Variants in PCDH15 observed in about 807,000 individuals in gnomAD.
PCDH15 encodes protocadherin related 15, also known as protocadherin-15.
A neutral mutation model predicts 178.5 loss-of-function variants in PCDH15; 129 were observed. The ratio of observed to expected loss-of-function variants is 0.72; its 90% CI spans 0.63 to 0.84. PCDH15 has a LOEUF of 0.84. Among genes scored for constraint, PCDH15 ranks in the 40% least tolerant of loss-of-function variants. The pLI is 0.00. For missense variants in PCDH15, 2,230 were observed against 2,099.9 expected, an observed-to-expected ratio of 1.06 and a Z score of -1.21; for synonymous variants, 800 against 732.0, an observed-to-expected ratio of 1.09 and a Z score of -1.50.
intron 3 of PCDH15, among the ~76,000 whole-genome samples, chr10:54,810,223 G>A (rs1952841517): frequency 1.3e-5 from 2 of 152,120 alleles, no homozygotes; most frequent in Non-Finnish European, 2.9e-5. Flanking sequence ...TGTGTGCAAT[G>A]TTCAGGCATA....
chr10:54,575,502 T>C (rs2090375007), intron 2 of PCDH15, among the ~76,000 whole-genome samples: 1 of 152,138 alleles, frequency 6.6e-6, no homozygotes, highest in Non-Finnish European at 1.5e-5. Context: ...ATTGTACTCA[T>C]GATGTTGGTA....
At chr10:55,113,433 A>T (rs1837557643) in intron 2 of PCDH15, among the ~76,000 whole-genome samples, 1 of 152,162 alleles carries the variant, frequency 6.6e-6, no homozygotes, top group South Asian at 2.1e-4. Flanking sequence ...AAAAGGAAGA[A>T]TTATATTCTC....
At chr10:54,575,499 T>A (rs1053114851) in intron 2 of PCDH15, among the ~76,000 whole-genome samples, 1 of 152,158 alleles carries the variant, frequency 6.6e-6, no homozygotes, top group Admixed American at 6.6e-5. Context: ...TGTATTGTAC[T>A]CATGATGTTG....
chr10:55,539,701 C>T (rs1841713116), intron 2 of PCDH15, among the ~76,000 whole-genome samples: 1 of 152,102 alleles, frequency 6.6e-6, no homozygotes, highest in East Asian at 1.9e-4. Context: ...TAAAGTTAAG[C>T]TATTTAGAGT....
intron 2 of PCDH15, among the ~76,000 whole-genome samples, chr10:54,932,300 A>G (rs1443694731): frequency 1.3e-5 from 2 of 152,056 alleles, no homozygotes; most frequent in African/African-American, 4.8e-5. Flanking sequence ...GATTATTCTG[A>G]CCCTGTGTAT....
At chr10:55,092,059 A>G (rs1476468144) in intron 2 of PCDH15, among the ~76,000 whole-genome samples, 2 of 151,898 alleles carry the variant, frequency 1.3e-5, no homozygotes, top group African/African-American at 4.8e-5. Context: ...ATGGCTCATA[A>G]GAGTATAAAG....
intron 2 of PCDH15, among the ~76,000 whole-genome samples, chr10:55,389,035 T>C (rs1837729858): frequency 6.6e-6 from 1 of 152,138 alleles, no homozygotes; most frequent in African/African-American, 2.4e-5. Flanking sequence ...TTCTTTCTTA[T>C]AACTGGGTTC....
chr10:54,158,218 T>C (rs2045350850), intron 13 of PCDH15, among the ~76,000 whole-genome samples: 1 of 152,210 alleles, frequency 6.6e-6, no homozygotes, highest in African/African-American at 2.4e-5. Context: ...GATATAGACA[T>C]ACCCGAGACT....
intron 26 of PCDH15, among the ~76,000 whole-genome samples, chr10:53,867,101 T>A (rs1373561885): frequency 6.6e-6 from 1 of 152,136 alleles, no homozygotes; most frequent in Non-Finnish European, 1.5e-5. Flanking sequence ...GACATAGGTA[T>A]AATTCTGTAC....
intron 1 of PCDH15, among the ~76,000 whole-genome samples, chr10:55,231,574 T>C (rs1288460713): frequency 6.6e-6 from 1 of 152,016 alleles, no homozygotes; most frequent in Non-Finnish European, 1.5e-5. Context: ...TGAATGTTGA[T>C]TCCAGAAATT....
chr10:55,150,421 A>T (rs553133593), intron 2 of PCDH15, among the ~76,000 whole-genome samples: 1 of 152,244 alleles, frequency 6.6e-6, no homozygotes, highest in Middle Eastern at 3.4e-3. Context: ...AGTAATTGAA[A>T]ACTTGGTTAT....
chr10:55,131,157 T>G lies in PCDH15; in HGVS notation c.-80+35419A>C, dbSNP rs375662352. ...ACCATTACTGTGTCATACAGAATAGTTTCACTGCCCCACAAATCCTTGGTC... is the reference window on the plus strand; with the variant it reads ...ACCATTACTGTGTCATACAGAATAGGTTCACTGCCCCACAAATCCTTGGTC... On this transcript the variant is annotated intron_variant, in intron 2 of 5. Coordinates refer to the PCDH15 transcript ENST00000458638. Among the ~76,000 whole-genome samples the G allele has an allele frequency of 7.9e-5, 12 of 152,192 alleles. No homozygotes were observed. In the East Asian group the frequency reaches 1.3e-3, roughly 17 times the overall value.
intron 25 of PCDH15, among the ~76,000 whole-genome samples, chr10:53,930,266 G>T (rs1278444533): frequency 6.6e-6 from 1 of 151,758 alleles, no homozygotes; most frequent in Admixed American, 6.6e-5. Context: ...AGATCATCCT[G>T]GCTAACATGG....
chr10:55,497,959 T>G (rs1452521550), intron 2 of PCDH15, among the ~76,000 whole-genome samples: 1 of 151,882 alleles, frequency 6.6e-6, no homozygotes. Context: ...TGATTTAAAT[T>G]CTTTTACCTA....
At chr10:55,478,959 C>CT (rs1840117727) in intron 2 of PCDH15, among the ~76,000 whole-genome samples, 1 of 145,120 alleles carries the variant, frequency 6.9e-6, no homozygotes, top group Admixed American at 6.9e-5. Flanking sequence ...AAAACTTTAA[C>CT]AAACTAATAA....
chr10:53,910,135 C>T (rs926618002), intron 25 of PCDH15, among the ~76,000 whole-genome samples: 1 of 152,198 alleles, frequency 6.6e-6, no homozygotes, highest in Non-Finnish European at 1.5e-5. Context: ...CCTGGTCTGA[C>T]AGCTCTGAAG....
At chr10:55,423,595 G>C (rs989302120) in intron 2 of PCDH15, among the ~76,000 whole-genome samples, 1 of 151,960 alleles carries the variant, frequency 6.6e-6, no homozygotes, top group African/African-American at 2.4e-5. Context: ...TTTAGAGCAA[G>C]GAATACTAAC....
intron 2 of PCDH15, among the ~76,000 whole-genome samples, chr10:54,609,978 T>G (rs1175945032): frequency 6.6e-6 from 1 of 152,002 alleles, no homozygotes; most frequent in Non-Finnish European, 1.5e-5. Flanking sequence ...TAAATTCATT[T>G]GTATTTCTTG....
chr10:54,862,840 T>C (rs766945730), intron 3 of PCDH15, among the ~76,000 whole-genome samples: 1 of 152,180 alleles, frequency 6.6e-6, no homozygotes, highest in Non-Finnish European at 1.5e-5. Context: ...TCTTGAACTT[T>C]CCAGCCATCT....
Sources: gnomAD v4.1 joint callset for allele counts (sites outside exome capture counted in the v4.1 genomes callset) on GRCh38, gnomAD v4.1.1 for gene constraint, MANE v1.5 for transcripts, NCBI Gene and HGNC (gene_info 2026-07-23, HGNC 2026-07-21) for gene names.